Variants in DHRSX observed in about 807,000 individuals in gnomAD.
The protein encoded by DHRSX is dehydrogenase/reductase X-linked.
Under a neutral mutation model 34.0 loss-of-function variants are expected in DHRSX, and 31 were observed. The ratio of observed to expected loss-of-function variants is 0.91; its 90% CI spans 0.69 to 1.23. DHRSX has a LOEUF of 1.23. Among genes scored for constraint, DHRSX ranks in the 50% most tolerant of loss-of-function variants. DHRSX has a pLI of 0.00. For synonymous variants in DHRSX, 201 were observed against 183.8 expected, an observed-to-expected ratio of 1.09 and a Z score of -0.76; for missense variants, 414 against 428.1, an observed-to-expected ratio of 0.97 and a Z score of 0.29.
intron 1 of DHRSX, among the ~76,000 whole-genome samples, chrX:2,482,192 C>T (rs948344789): frequency 3.3e-5 from 5 of 150,472 alleles, no homozygotes; most frequent in African/African-American, 1.2e-4. Flanking sequence ...TGCAGTGGTG[C>T]GATCACATTT....
chrX:2,352,193 C>T (rs755219428), intron 3 of DHRSX, among the ~76,000 whole-genome samples: 4 of 152,150 alleles, frequency 2.6e-5, no homozygotes, highest in Admixed American at 2.0e-4. Flanking sequence ...CACACTCAAC[C>T]CTAAACTATG....
chrX:2,484,570 A>G (rs2124065197), intron 1 of DHRSX, among the ~76,000 whole-genome samples: 1 of 152,226 alleles, frequency 6.6e-6, no homozygotes, highest in African/African-American at 2.4e-5. Flanking sequence ...TCGTCGTCTG[A>G]AGAAATGAGC....
At chrX:2,231,570 T>G in intron 6 of DHRSX, among the ~76,000 whole-genome samples, 1 of 150,134 alleles carries the variant, frequency 6.7e-6, no homozygotes, top group Admixed American at 6.6e-5. Context: ...TTCTCTCTTC[T>G]TCCTCCTCCA....
intron 3 of DHRSX, among the ~76,000 whole-genome samples, chrX:2,310,586 G>A (rs888403692): frequency 2.6e-5 from 4 of 151,588 alleles, no homozygotes; most frequent in African/African-American, 9.7e-5. Flanking sequence ...GAGGGAGAGA[G>A]AGAGAAAATA....
At chrX:2,342,765 C>T (rs1178534113) in intron 3 of DHRSX, among the ~76,000 whole-genome samples, 2 of 152,138 alleles carry the variant, frequency 1.3e-5, no homozygotes, top group African/African-American at 2.4e-5. Context: ...ACTCTGCTCC[C>T]GCCCCAACCT....
At position 2,425,255 on chromosome X, in the gene DHRSX, A is replaced by G. The variant is rs375331969; in HGVS notation, c.159T>C (p.Asp53=). The change falls in exon 2 of 7, where the codon GAT becomes GAC. Residue 53 remains aspartate, a synonymous_variant. Transcript: ENST00000334651. ...GCTTCGCTGTAGAATAGCCAATGCC[A>G]TCTGTCCCTCCCGTCACTATAGCGA... The part of the protein sequence containing the change: ...DRVAIVTGGT[D]GIGYSTAKHL... The G allele has an allele frequency of 3.1e-6, 5 of 1,613,830 alleles. No individual in the cohort carries two copies. In the African/African-American group the frequency reaches 4.0e-5, roughly 13 times the overall value.
At chrX:2,253,443 C>A (rs1235218055) in intron 5 of DHRSX, among the ~76,000 whole-genome samples, 1 of 151,376 alleles carries the variant, frequency 6.6e-6, no homozygotes, top group Non-Finnish European at 1.5e-5. Flanking sequence ...GATGTCGCGG[C>A]CGCACTGCAG....
intron 5 of DHRSX, among the ~76,000 whole-genome samples, chrX:2,254,629 G>A (rs1224639029): frequency 2.6e-5 from 4 of 151,954 alleles, no homozygotes; most frequent in African/African-American, 4.8e-5. Flanking sequence ...AAAATACTGC[G>A]AATAAAGAGA....
At chrX:2,427,425 G>C (rs190647958) in intron 1 of DHRSX, among the ~76,000 whole-genome samples, 87 of 152,312 alleles carry the variant, frequency 5.7e-4, no homozygotes, top group African/African-American at 2.1e-3. Flanking sequence ...ACTTGAGCTG[G>C]AGGAAGACAA....
intron 3 of DHRSX, among the ~76,000 whole-genome samples, chrX:2,371,210 T>G: frequency 7.5e-6 from 1 of 133,934 alleles, no homozygotes; most frequent in East Asian, 2.1e-4. Flanking sequence ...CCACAGTCCC[T>G]TCTCCCGTTA....
chrX:2,434,958 G>C (rs1569500941), intron 1 of DHRSX, among the ~76,000 whole-genome samples: 2 of 152,186 alleles, frequency 1.3e-5, no homozygotes, highest in African/African-American at 4.8e-5. Flanking sequence ...CACGTGATTT[G>C]AAAGGGGTTA....
intron 3 of DHRSX, among the ~76,000 whole-genome samples, chrX:2,299,652 C>T (rs1413583890): frequency 3.3e-5 from 5 of 151,894 alleles, no homozygotes; most frequent in African/African-American, 4.8e-5. Context: ...GTCAGGAGTT[C>T]GAGACCAGCC....
intron 1 of DHRSX, among the ~76,000 whole-genome samples, chrX:2,465,300 A>G (rs1293038101): frequency 2.6e-5 from 4 of 152,182 alleles, no homozygotes; most frequent in Admixed American, 2.0e-4. Flanking sequence ...CCACGGAAAG[A>G]ATGGCGTGTT....
chrX:2,413,872 A>T (rs1051085088), intron 2 of DHRSX, among the ~76,000 whole-genome samples: 32 of 152,128 alleles, frequency 2.1e-4, no homozygotes, highest in Non-Finnish European at 4.6e-4. Flanking sequence ...CCTCATCATG[A>T]CCTAACCCAA....
At chrX:2,449,072 C>T (rs2044180460) in intron 1 of DHRSX, among the ~76,000 whole-genome samples, 1 of 152,004 alleles carries the variant, frequency 6.6e-6, no homozygotes, top group African/African-American at 2.4e-5. Flanking sequence ...GCCTGTAATG[C>T]CAGCTACTCA....
intron 1 of DHRSX, among the ~76,000 whole-genome samples, chrX:2,444,401 C>T (rs1383726571): frequency 6.6e-6 from 1 of 152,220 alleles, no homozygotes; most frequent in East Asian, 1.9e-4. Context: ...TCTTAGAGGC[C>T]GTGTTTAAGG....
chrX:2,373,199 T>G (rs2043100615), intron 3 of DHRSX, among the ~76,000 whole-genome samples: 1 of 152,116 alleles, frequency 6.6e-6, no homozygotes, highest in Admixed American at 6.6e-5. Flanking sequence ...AGTATGCGGG[T>G]CACCGCGCCC....
intron 3 of DHRSX, among the ~76,000 whole-genome samples, chrX:2,380,566 A>T (rs1305121505): frequency 6.6e-6 from 1 of 152,046 alleles, no homozygotes; most frequent in African/African-American, 2.4e-5. Context: ...TCCAAATCTC[A>T]CGTTGAATTG....
chrX:2,402,203 C>T (rs2043494698), intron 3 of DHRSX, among the ~76,000 whole-genome samples: 1 of 152,232 alleles, frequency 6.6e-6, no homozygotes, highest in African/African-American at 2.4e-5. Context: ...AATAAATCCA[C>T]ATGGCTGAAC....
Sources: allele counts gnomAD v4.1 joint callset (sites outside exome capture counted in the v4.1 genomes callset), GRCh38; gene constraint gnomAD v4.1.1; transcripts MANE v1.5; gene names NCBI Gene and HGNC (gene_info 2026-07-23, HGNC 2026-07-21).